Variants in FAM149A observed in about 807,000 individuals in gnomAD.
FAM149A encodes the protein protein FAM149A.
Under a neutral mutation model 78.2 loss-of-function variants are expected in FAM149A, and 71 were observed. The observed-to-expected ratio is 0.91, with a 90% CI of 0.75 to 1.11. The LOEUF (loss-of-function observed/expected upper bound fraction) is 1.11, where lower values mean the gene tolerates loss of function less well. Ranked by LOEUF, FAM149A falls within the 50% of genes least tolerant of loss-of-function variation. FAM149A has a pLI of 0.00. For missense variants in FAM149A, 1,036 were observed against 971.0 expected (o/e 1.07, Z -0.89); for synonymous variants, 446 against 410.5 (o/e 1.09, Z -1.04).
At chr4:186,136,823 G>C (rs958393115) in intron 1 of FAM149A, among the ~76,000 whole-genome samples, 1 of 152,178 alleles carries the variant, frequency 6.6e-6, no homozygotes, top group African/African-American at 2.4e-5. Context: ...GCCTAAGAAG[G>C]TGGCTCTGCC....
chr4:186,162,773 G>C (rs942749927), intron 8 of FAM149A, 72 bp from the exon 9 acceptor site: 13 of 775,066 alleles, frequency 1.7e-5, no homozygotes, highest in African/African-American at 1.1e-4. Context: ...TTTCGGACAA[G>C]CATCAGTCAT....
In FAM149A at chr4:186,113,899, G is replaced by A. The variant is rs570749603; in HGVS notation, c.566+8257G>A. Among the ~76,000 whole-genome samples the A allele has an allele frequency of 2.0e-5, 3 of 152,266 alleles. No individual in the cohort carries two copies. In the South Asian group the frequency reaches 6.2e-4, roughly 32 times the overall value. On this transcript the variant is annotated intron_variant, in intron 1 of 13. Transcript: ENST00000389354. ...ATTTGGGGTGGAGAGTTCTGTATAT[G>A]TCTAATAGGTCCACTTGGTGCAGAG...
intron 1 of FAM149A, among the ~76,000 whole-genome samples, chr4:186,147,260 G>A (rs1221779736): frequency 6.6e-6 from 1 of 152,188 alleles, no homozygotes; most frequent in African/African-American, 2.4e-5. Flanking sequence ...GTAGACACCT[G>A]TAGTCCCAGC....
intron 1 of FAM149A, chr4:186,125,302 A>G: frequency 1.0e-6 from 1 of 985,078 alleles, no homozygotes; most frequent in Non-Finnish European, 1.2e-6. Flanking sequence ...TGCTTCTCGA[A>G]CCATATCTTT....
intron 1 of FAM149A, among the ~76,000 whole-genome samples, chr4:186,128,503 C>T (rs772547930): frequency 6.6e-6 from 1 of 151,848 alleles, no homozygotes; most frequent in Non-Finnish European, 1.5e-5. Flanking sequence ...AGCAACGGAA[C>T]CTTCCCTGGA....
chr4:186,157,300 AGTATTTAAGGAATTAGTT>A (rs1409176417), intron 7 of FAM149A, among the ~76,000 whole-genome samples: 1 of 152,194 alleles, frequency 6.6e-6, no homozygotes, highest in African/African-American at 2.4e-5. Flanking sequence ...TTCTTTTTCC[AGTATTTAAGGAATTAGTT>A]GGGCTTTATC....
Position 186,172,477 on chromosome 4 carries a change from G to C in FAM149A, c.*490G>C, listed in dbSNP as rs1735607690. ...TCTGAATAAGACTCAGCTTGTTCTA[G>C]TCATGCTGAGTTTCTCATATATTTT... On this transcript the variant is annotated 3_prime_UTR_variant, in exon 14 of 14. Transcript: ENST00000389354. 1 of 112,070 alleles carries C rather than the reference G, an allele frequency of 8.9e-6. No homozygotes were observed. Among genetic ancestry groups the C allele is most frequent in the African/African-American group, 2.8e-5 (1 of 35,650 alleles). The allele number at this position is 112,070 out of a possible 1,614,324, so 6.9% of individuals were successfully genotyped here.
intron 1 of FAM149A, chr4:186,127,587 G>C: frequency 1.0e-6 from 1 of 985,470 alleles, no homozygotes; most frequent in Non-Finnish European, 1.2e-6. Flanking sequence ...AGTTTCATGA[G>C]TGTTTGTTAA....
intron 1 of FAM149A, among the ~76,000 whole-genome samples, chr4:186,145,855 A>C (rs1732997079): frequency 6.6e-6 from 1 of 152,178 alleles, no homozygotes; most frequent in Non-Finnish European, 1.5e-5. Context: ...AGTTGTGTAC[A>C]CTTTCTTAGA....
intron 3 of FAM149A, among the ~76,000 whole-genome samples, chr4:186,150,455 T>C: frequency 8.1e-6 from 1 of 123,896 alleles, no homozygotes; most frequent in African/African-American, 3.0e-5. Flanking sequence ...AGTCTCGCTC[T>C]GTCGCCCAGG....
chr4:186,146,812 A>C, intron 1 of FAM149A: 8 of 985,374 alleles, frequency 8.1e-6, no homozygotes, highest in Non-Finnish European at 9.6e-6. Flanking sequence ...TCACGATGTA[A>C]TCCTATGTTT....
At chr4:186,108,252 A>G (rs1000703243) in intron 1 of FAM149A, among the ~76,000 whole-genome samples, 1 of 152,184 alleles carries the variant, frequency 6.6e-6, no homozygotes, top group African/African-American at 2.4e-5. Flanking sequence ...AGTGATGAGA[A>G]TGTGAATACA....
chr4:186,140,863 A>G (rs1486844195), intron 1 of FAM149A, among the ~76,000 whole-genome samples: 1 of 152,234 alleles, frequency 6.6e-6, no homozygotes, highest in African/African-American at 2.4e-5. Flanking sequence ...GTCTACATCT[A>G]TATTTGTATA....
intron 1 of FAM149A, among the ~76,000 whole-genome samples, chr4:186,147,887 G>A (rs917421205): frequency 6.6e-6 from 1 of 151,840 alleles, no homozygotes; most frequent in Non-Finnish European, 1.5e-5. Flanking sequence ...TTTATCCTCA[G>A]AGTTACCTGG....
chr4:186,111,513 G>T (rs1242584304), intron 1 of FAM149A, among the ~76,000 whole-genome samples: 1 of 152,018 alleles, frequency 6.6e-6, no homozygotes, highest in Non-Finnish European at 1.5e-5. Context: ...TTCTTCTAGG[G>T]TTTTTATGGT....
At position 186,157,633 on chromosome 4, in the gene FAM149A, G is replaced by A. The variant is rs776027022; in HGVS notation, c.1489G>A (p.Ala497Thr). The A allele has an allele frequency of 4.0e-5, 65 of 1,614,116 alleles. No homozygotes were observed. The Admixed American group carries it at 7.0e-4, about 17-fold the overall frequency. Reference sequence around the variant, plus strand: ...ATTTCCGCACGTCCTCGTTCCACACGCTCACGCCGATGGAGCCAGTGGCCC... The same window carrying A: ...ATTTCCGCACGTCCTCGTTCCACACACTCACGCCGATGGAGCCAGTGGCCC... The change falls in exon 8 of 14, where the codon GCT becomes ACT. Residue 497 changes from alanine to threonine, a missense_variant. Ala to Thr is a moderately conservative substitution (Grantham distance 58). This residue lies in a region of FAM149A where 716 missense variants were observed against 711.8 expected (regional missense o/e 1.01). Coordinates refer to ENST00000389354, the MANE Select transcript of FAM149A (RefSeq NM_001367768.3).
intron 1 of FAM149A, among the ~76,000 whole-genome samples, chr4:186,139,969 C>T (rs1043089876): frequency 6.6e-6 from 1 of 151,922 alleles, no homozygotes; most frequent in East Asian, 1.9e-4. Flanking sequence ...TGGTTTAATA[C>T]TCCACCTAAC....
chr4:186,125,730 C>T (rs1715062), intron 1 of FAM149A: 983,517 of 985,032 alleles, frequency 1, 491,021 homozygotes, highest in East Asian at 1. Context: ...TTGTGAATAG[C>T]TGAAGCTGAA....
At chr4:186,150,927 G>A in intron 3 of FAM149A, 1 of 384,188 alleles carries the variant, frequency 2.6e-6, no homozygotes. Context: ...TCACCATGTT[G>A]GCCAGGCTGG....
Sources: gnomAD v4.1 joint callset for allele counts (sites outside exome capture counted in the v4.1 genomes callset) on GRCh38, gnomAD v4.1.1 for gene constraint, gnomAD v4.1.1 regional missense constraint, MANE v1.5 for transcripts, NCBI Gene and HGNC (gene_info 2026-07-23, HGNC 2026-07-21) for gene names.